Variants in TACC2 observed in about 807,000 individuals in gnomAD.
The protein encoded by TACC2 is transforming acidic coiled-coil-containing protein 2.
TACC2 carries 137 observed loss-of-function variants against 227.3 expected under a neutral mutation model. The observed-to-expected ratio is 0.60, with a 90% CI of 0.52 to 0.69. The LOEUF is 0.69. TACC2 is among the 30% of genes least tolerant of loss of function. The probability of loss-of-function intolerance (pLI) is 0.00; values close to 1 mark genes in which losing one functional copy is unlikely to be tolerated. For missense variants in TACC2, 3,470 were observed against 3,694.4 expected (o/e 0.94, Z 1.57); for synonymous variants, 1,523 against 1,487.5 (o/e 1.02, Z -0.55).
At chr10:122,247,827 A>T (rs2096160152) in intron 19 of TACC2, 1 of 152,180 alleles carries the variant, frequency 6.6e-6, no homozygotes. Context: ...GCTCATTAGA[A>T]ATCTGTACCC....
At chr10:122,154,034 G>A (rs908989689) in intron 7 of TACC2, among the ~76,000 whole-genome samples, 3 of 152,198 alleles carry the variant, frequency 2.0e-5, no homozygotes, top group Non-Finnish European at 4.4e-5. Flanking sequence ...TGTGGTACCT[G>A]GGGTCTCTTT....
rs141377067 is a variant in TACC2, at chr10:122,237,400, G to A, written c.8133G>A (p.Glu2711=). The A allele has an allele frequency of 5.1e-4, 821 of 1,609,696 alleles. 3 individuals are homozygous for A. The highest frequency in any genetic ancestry group is 6.6e-4 in the Non-Finnish European group (779 of 1,177,994). Residue 2711 remains glutamate, a synonymous_variant, in exon 17 of 23, where the codon GAG becomes GAA. Coordinates refer to ENST00000369005, the MANE Select transcript of TACC2 (RefSeq NM_206862.4). ...ASRSHQDAKR[E]AAHPTDVSIS... ...AATTAAAAACGATTCCACAGAGAGA[G>A]GCTGCTCACCCAACAGACGTCTCCA...
intron 5 of TACC2, among the ~76,000 whole-genome samples, chr10:122,100,902 C>T (rs1470538163): frequency 2.6e-5 from 4 of 152,158 alleles, no homozygotes; most frequent in African/African-American, 9.7e-5. Flanking sequence ...TGCCTTGCCC[C>T]TCCCTCTACT....
At chr10:122,241,463 G>T (rs1215951875) in intron 18 of TACC2, among the ~76,000 whole-genome samples, 1 of 152,072 alleles carries the variant, frequency 6.6e-6, no homozygotes, top group Admixed American at 6.5e-5. Context: ...GGTTAATTTT[G>T]TATTTTTTGT....
At chr10:122,058,714 A>G (rs910446227) in intron 3 of TACC2, among the ~76,000 whole-genome samples, 3 of 151,526 alleles carry the variant, frequency 2.0e-5, no homozygotes, top group Non-Finnish European at 4.4e-5. Context: ...GGCCACTGCA[A>G]CTCTTTATAA....
chr10:122,222,033 G>A (rs2095533532), intron 11 of TACC2, among the ~76,000 whole-genome samples: 1 of 152,192 alleles, frequency 6.6e-6, no homozygotes, highest in South Asian at 2.1e-4. Context: ...CAGGACCCGT[G>A]AACGATGACT....
intron 7 of TACC2, among the ~76,000 whole-genome samples, chr10:122,148,427 G>A (rs1251012354): frequency 6.6e-6 from 1 of 152,238 alleles, no homozygotes; most frequent in Non-Finnish European, 1.5e-5. Context: ...TGAGGTCCTG[G>A]ATGGACTCTT....
At chr10:122,012,399 C>T (rs1956046504) in intron 1 of TACC2, among the ~76,000 whole-genome samples, 1 of 121,994 alleles carries the variant, frequency 8.2e-6, no homozygotes, top group Admixed American at 9.4e-5. Context: ...CAGCCTGGTG[C>T]CAGAGCAAGA....
At chr10:122,045,112 T>A (rs567589667) in intron 2 of TACC2, among the ~76,000 whole-genome samples, 1 of 152,266 alleles carries the variant, frequency 6.6e-6, no homozygotes, top group South Asian at 2.1e-4. Context: ...TGAGGGTACG[T>A]CTTTCGATTT....
intron 5 of TACC2, among the ~76,000 whole-genome samples, chr10:122,109,122 T>A (rs770849979): frequency 1.4e-5 from 2 of 144,156 alleles, no homozygotes; most frequent in Non-Finnish European, 3.1e-5. Flanking sequence ...TAAACATGCA[T>A]GTACAAGTAT....
intron 2 of TACC2, among the ~76,000 whole-genome samples, chr10:122,024,216 A>G (rs1414015093): frequency 6.6e-6 from 1 of 152,078 alleles, no homozygotes; most frequent in Non-Finnish European, 1.5e-5. Flanking sequence ...AAGGAAAAAA[A>G]TTAGCTGGGT....
chr10:122,172,097 C>G (rs552909211), intron 7 of TACC2, among the ~76,000 whole-genome samples: 1 of 152,282 alleles, frequency 6.6e-6, no homozygotes, highest in African/African-American at 2.4e-5. Context: ...CCTGTTGAGA[C>G]TGGCCTGAGT....
At chr10:122,162,834 G>A (rs1186699974) in intron 7 of TACC2, among the ~76,000 whole-genome samples, 1 of 152,134 alleles carries the variant, frequency 6.6e-6, no homozygotes, top group East Asian at 1.9e-4. Context: ...TGCATGTCAC[G>A]GAGAACTGCC....
intron 19 of TACC2, among the ~76,000 whole-genome samples, chr10:122,242,678 A>T (rs1422145977): frequency 1.3e-5 from 2 of 152,114 alleles, no homozygotes; most frequent in African/African-American, 4.8e-5. Context: ...ATGAGAAAAG[A>T]TCTTGCAGAA....
chr10:122,007,451 A>T (rs1955316609), intron 1 of TACC2, among the ~76,000 whole-genome samples: 1 of 152,134 alleles, frequency 6.6e-6, no homozygotes, highest in African/African-American at 2.4e-5. Context: ...AGTTGGTCTC[A>T]GGGTGTAAGG....
chr10:122,090,556 A>G (rs1489215101), intron 5 of TACC2, among the ~76,000 whole-genome samples: 4 of 142,002 alleles, frequency 2.8e-5, no homozygotes, highest in Non-Finnish European at 6.3e-5. Flanking sequence ...CAAAAAAAAA[A>G]AAAAAAGAAA....
intron 6 of TACC2, among the ~76,000 whole-genome samples, chr10:122,142,510 G>A (rs527708066): frequency 6.6e-6 from 1 of 152,352 alleles, no homozygotes; most frequent in South Asian, 2.1e-4. Flanking sequence ...CTGCCCTTCA[G>A]ACCAGGGTGC....
chr10:122,021,554 A>C (rs1417860390), intron 1 of TACC2, among the ~76,000 whole-genome samples: 1 of 152,212 alleles, frequency 6.6e-6, no homozygotes, highest in Non-Finnish European at 1.5e-5. Context: ...TGAATTTCCA[A>C]ACTGAACACA....
intron 8 of TACC2, 125 bp downstream of exon 8, chr10:122,195,301 G>A: frequency 2.6e-6 from 2 of 766,264 alleles, no homozygotes; most frequent in South Asian, 2.3e-5. Flanking sequence ...GCTTTGAGTT[G>A]TGCTTGACGT....
Sources: gnomAD v4.1 joint callset for allele counts (sites outside exome capture counted in the v4.1 genomes callset) on GRCh38, gnomAD v4.1.1 for gene constraint, MANE v1.5 for transcripts, NCBI Gene and HGNC (gene_info 2026-07-23, HGNC 2026-07-21) for gene names.